The following GLIS3 variants were observed in gnomAD, a reference collection of about 807,000 sequenced individuals.
GLIS3 encodes zinc finger protein GLIS3.
Under a neutral mutation model 78.6 loss-of-function variants are expected in GLIS3, and 53 were observed. That is an observed-to-expected ratio of 0.67 (90% confidence interval 0.54 to 0.85). The LOEUF is 0.85. Ranked by LOEUF, GLIS3 falls within the 40% of genes least tolerant of loss-of-function variation. The probability of loss-of-function intolerance (pLI) is 0.00; values close to 1 mark genes in which losing one functional copy is unlikely to be tolerated. For missense variants in GLIS3, 1,703 were observed against 1,231.1 expected (o/e 1.38, Z -5.74); for synonymous variants, 684 against 509.9 (o/e 1.34, Z -4.60).
chr9:4,128,528 T>C (rs1832738969), intron 2 of GLIS3, among the ~76,000 whole-genome samples: 1 of 152,212 alleles, frequency 6.6e-6, no homozygotes, highest in Middle Eastern at 3.2e-3. Flanking sequence ...TAAGTGAATA[T>C]TAAATACTGA....
At chr9:4,011,504 C>T (rs1246388189) in intron 4 of GLIS3, among the ~76,000 whole-genome samples, 3 of 152,280 alleles carry the variant, frequency 2.0e-5, no homozygotes, top group East Asian at 3.9e-4. Flanking sequence ...GTGGTGTGCA[C>T]GGTACCCTCA....
intron 2 of GLIS3, among the ~76,000 whole-genome samples, chr9:4,207,734 C>T (rs1016850431): frequency 6.6e-6 from 1 of 152,154 alleles, no homozygotes; most frequent in African/African-American, 2.4e-5. Context: ...CCACACAGCT[C>T]ATGAGTAGCA....
chr9:4,359,290 A>G, the GLIS3 span, among the ~76,000 whole-genome samples: 48 of 151,980 alleles, frequency 3.2e-4, no homozygotes, highest in South Asian at 1.9e-3. Context: ...GAACTGGCAT[A>G]TGGCTCATCA....
chr9:4,244,644 G>A (rs1475446708), intron 2 of GLIS3, among the ~76,000 whole-genome samples: 4 of 151,912 alleles, frequency 2.6e-5, no homozygotes, highest in Admixed American at 6.6e-5. Context: ...GTGCAATCTT[G>A]GCTCACTGCA....
intron 7 of GLIS3, among the ~76,000 whole-genome samples, chr9:3,888,096 T>C (rs980637331): frequency 2.6e-5 from 4 of 152,284 alleles, no homozygotes; most frequent in Non-Finnish European, 2.9e-5. Flanking sequence ...CTGTGTGTTA[T>C]GTTAACCCTC....
chr9:3,879,007 ATAAAG>A (rs1408614708), intron 8 of GLIS3, among the ~76,000 whole-genome samples: 1 of 152,174 alleles, frequency 6.6e-6, no homozygotes, highest in Non-Finnish European at 1.5e-5. Context: ...AGATATTAAT[ATAAAG>A]TATTCAATGA....
At chr9:4,050,469 G>C (rs1425060764) in intron 4 of GLIS3, among the ~76,000 whole-genome samples, 1 of 152,080 alleles carries the variant, frequency 6.6e-6, no homozygotes, top group Non-Finnish European at 1.5e-5. Context: ...CTGGGGGAGG[G>C]ATAGCGTTAG....
At chr9:4,257,453 G>C (rs1043848942) in intron 2 of GLIS3, among the ~76,000 whole-genome samples, 6 of 152,082 alleles carry the variant, frequency 3.9e-5, no homozygotes, top group Non-Finnish European at 5.9e-5. Context: ...TTGGTAATTT[G>C]GCAAGGGAAT....
intron 2 of GLIS3, among the ~76,000 whole-genome samples, chr9:4,149,497 G>T (rs2131030115): frequency 6.6e-6 from 1 of 152,304 alleles, no homozygotes; most frequent in South Asian, 2.1e-4. Context: ...TCCCAAAGCT[G>T]GAACTCACAC....
At chr9:4,288,595 G>C (rs1563903721) in intron 1 of GLIS3, among the ~76,000 whole-genome samples, 1 of 152,158 alleles carries the variant, frequency 6.6e-6, no homozygotes, top group Non-Finnish European at 1.5e-5. Flanking sequence ...AAAAAGGTGA[G>C]TTTGCAAGAA....
chr9:4,429,716 G>C, the GLIS3 span, among the ~76,000 whole-genome samples: 3 of 152,104 alleles, frequency 2.0e-5, no homozygotes, highest in Non-Finnish European at 4.4e-5. Context: ...TGAATCCCCA[G>C]CTCTGTGTCA....
chr9:4,411,922 G>A, the GLIS3 span, among the ~76,000 whole-genome samples: 1 of 152,152 alleles, frequency 6.6e-6, no homozygotes, highest in Admixed American at 6.5e-5. Context: ...CTCATGTATG[G>A]TCCTAACTAG....
At chr9:4,351,274 G>C (rs1435267274), upstream of GLIS3, among the ~76,000 whole-genome samples, 3 of 151,954 alleles carry the variant, frequency 2.0e-5, no homozygotes, top group African/African-American at 7.2e-5. Flanking sequence ...AATTAACTGG[G>C]TGTGGTTATA....
chr9:4,462,190 G>T, the GLIS3 span, among the ~76,000 whole-genome samples: 1 of 152,062 alleles, frequency 6.6e-6, no homozygotes, highest in African/African-American at 2.4e-5. Flanking sequence ...TTATAAGAAG[G>T]ACTCTCAGAG....
chr9:4,332,179 C>T (rs1232700859), intron 2 of GLIS3, among the ~76,000 whole-genome samples: 2 of 152,094 alleles, frequency 1.3e-5, no homozygotes, highest in Non-Finnish European at 2.9e-5. Context: ...GTGGAAATCC[C>T]AAAATAGAAG....
At chr9:4,465,003 G>A in the GLIS3 span, among the ~76,000 whole-genome samples, 1 of 152,172 alleles carries the variant, frequency 6.6e-6, no homozygotes, top group African/African-American at 2.4e-5. Context: ...AAATGGATGT[G>A]GCCAAGGGGT....
At chr9:3,948,834 A>T (rs1463893184) in intron 4 of GLIS3, among the ~76,000 whole-genome samples, 1 of 152,194 alleles carries the variant, frequency 6.6e-6, no homozygotes, top group Non-Finnish European at 1.5e-5. Flanking sequence ...TCTCTTTGTC[A>T]TCTTACAGAG....
intron 2 of GLIS3, among the ~76,000 whole-genome samples, chr9:4,135,593 A>G (rs1342323566): frequency 6.6e-6 from 1 of 152,202 alleles, no homozygotes; most frequent in Non-Finnish European, 1.5e-5. Context: ...CATATCTAAT[A>G]TAATATACAT....
Position 3,966,773 on chromosome 9 carries a change from C to CA in GLIS3, c.1711-29585dup, listed in dbSNP as rs140710068. 2.9e-3 allele frequency among the ~76,000 whole-genome samples: 397 copies of CA among 137,960 alleles called. 2 individuals are homozygous for CA. The highest frequency in any genetic ancestry group is 7.7e-3 in the African/African-American group (290 of 37,574). The allele number at this position is 137,960 out of a possible 152,430, so 90.5% of individuals were successfully genotyped here. A position where few individuals can be genotyped will look rare whatever the true frequency, so the allele number is the denominator to read the frequency against. ...ACTGCACTCCAGCCTGGGTGACAGA[C>CA]AAAAAAAAAACAAAAAACAAAAAAC... On this transcript the variant is annotated intron_variant, in intron 4 of 10. Transcript: ENST00000381971.
Sources: gnomAD v4.1 joint callset for allele counts (sites outside exome capture counted in the v4.1 genomes callset) on GRCh38, gnomAD v4.1.1 for gene constraint, MANE v1.5 for transcripts, NCBI Gene and HGNC (gene_info 2026-07-23, HGNC 2026-07-21) for gene names.